Variants in CACNA1C observed in about 807,000 individuals in gnomAD.
CACNA1C encodes calcium voltage-gated channel subunit alpha1 C, also known as voltage-dependent L-type calcium channel subunit alpha-1C.
Under a neutral mutation model 229.0 loss-of-function variants are expected in CACNA1C, and 30 were observed. The ratio of observed to expected loss-of-function variants is 0.13; its 90% confidence interval spans 0.10 to 0.18. CACNA1C has a LOEUF of 0.18. CACNA1C is among the 10% of genes least tolerant of loss of function. The probability of loss-of-function intolerance (pLI) is 1.00; values close to 1 mark genes in which losing one functional copy is unlikely to be tolerated. For synonymous variants in CACNA1C, 1,114 were observed against 1,132.5 expected, an observed-to-expected ratio of 0.98 and a Z score of 0.33; for missense variants, 1,658 against 2,845.0, an observed-to-expected ratio of 0.58 and a Z score of 9.49.
chr12:2,347,633 C>G (rs1054827165), intron 3 of CACNA1C, among the ~76,000 whole-genome samples: 7 of 152,212 alleles, frequency 4.6e-5, no homozygotes, highest in Non-Finnish European at 1.0e-4. Context: ...AGCCCAGGAC[C>G]CGTGGGGGCC....
chr12:2,556,330 C>G (rs532446792), intron 10 of CACNA1C, among the ~76,000 whole-genome samples: 2 of 152,192 alleles, frequency 1.3e-5, no homozygotes, highest in South Asian at 4.1e-4. Context: ...CAGCCACCCT[C>G]ACACCCACCC....
chr12:2,525,880 C>T (rs1020437639), intron 9 of CACNA1C, among the ~76,000 whole-genome samples: 2 of 152,178 alleles, frequency 1.3e-5, no homozygotes, highest in African/African-American at 4.8e-5. Flanking sequence ...TGTTAATCAC[C>T]GTGATCACTT....
chr12:2,375,005 G>A (rs1359647375), intron 3 of CACNA1C, among the ~76,000 whole-genome samples: 3 of 152,164 alleles, frequency 2.0e-5, no homozygotes, highest in Non-Finnish European at 2.9e-5. Flanking sequence ...GACAGTCTAC[G>A]TCTTCATCTT....
chr12:2,603,672 C>T (rs1601769901), intron 22 of CACNA1C: 2 of 152,304 alleles, frequency 1.3e-5, no homozygotes, highest in Admixed American at 6.5e-5. Flanking sequence ...CCCGAGACTC[C>T]GAGAAGCTCT....
chr12:2,230,238 C>T (rs2064500765), intron 3 of CACNA1C, among the ~76,000 whole-genome samples: 1 of 152,110 alleles, frequency 6.6e-6, no homozygotes, highest in African/African-American at 2.4e-5. Flanking sequence ...GCGTCTAGCT[C>T]GCGGTCAGAG....
chr12:2,586,282 G>A (rs1270724216), intron 18 of CACNA1C, among the ~76,000 whole-genome samples: 1 of 152,100 alleles, frequency 6.6e-6, no homozygotes, highest in Admixed American at 6.5e-5. Context: ...TCCCAAGTCT[G>A]CCTTGCCCCT....
intron 1 of CACNA1C, among the ~76,000 whole-genome samples, chr12:2,101,046 T>C (rs2076234519): frequency 6.6e-6 from 1 of 151,896 alleles, no homozygotes; most frequent in Non-Finnish European, 1.5e-5. Flanking sequence ...GTGGTCCCAT[T>C]GTATATACTT....
chr12:2,526,025 A>G (rs776312903), intron 9 of CACNA1C, among the ~76,000 whole-genome samples: 2 of 152,200 alleles, frequency 1.3e-5, no homozygotes, highest in African/African-American at 4.8e-5. Context: ...ATAGAAGGCA[A>G]TTGGCAGCGT....
chr12:2,349,175 T>A (rs1428496243), intron 3 of CACNA1C, among the ~76,000 whole-genome samples: 1 of 152,186 alleles, frequency 6.6e-6, no homozygotes, highest in African/African-American at 2.4e-5. Flanking sequence ...TCTGCTCTAA[T>A]AGCATGTTCC....
intron 42 of CACNA1C, chr12:2,682,107 G>A: frequency 9.6e-7 from 1 of 1,039,074 alleles, no homozygotes; most frequent in East Asian, 2.4e-5. Flanking sequence ...CAGAATCAAG[G>A]GCACCATCAA....
chr12:2,255,371 G>C (rs899012688), intron 3 of CACNA1C, among the ~76,000 whole-genome samples: 2 of 151,978 alleles, frequency 1.3e-5, no homozygotes, highest in African/African-American at 2.4e-5. Context: ...GGGGTCATTC[G>C]GGGTGTGACA....
intron 37 of CACNA1C, among the ~76,000 whole-genome samples, chr12:2,667,323 T>TGGCCACTCCAC (rs879517964): frequency 1.6e-3 from 189 of 115,782 alleles, no homozygotes; most frequent in African/African-American, 6.6e-3. Flanking sequence ...GGCCATTCCG[T>TGGCCACTCCAC]GCTCCTTGTT....
chr12:2,436,780 G>A (rs1474712585), intron 3 of CACNA1C, among the ~76,000 whole-genome samples: 1 of 152,216 alleles, frequency 6.6e-6, no homozygotes, highest in Non-Finnish European at 1.5e-5. Flanking sequence ...ACTCAACTCG[G>A]AATGACTTTC....
chr12:2,140,125 C>G (rs1013599721), intron 3 of CACNA1C, among the ~76,000 whole-genome samples: 1 of 151,282 alleles, frequency 6.6e-6, no homozygotes, highest in African/African-American at 2.4e-5. Flanking sequence ...ACTGCCCATA[C>G]GGCTGTGTGT....
intron 3 of CACNA1C, among the ~76,000 whole-genome samples, chr12:2,314,817 T>C (rs1327316942): frequency 1.3e-5 from 2 of 152,236 alleles, no homozygotes; most frequent in Non-Finnish European, 2.9e-5. Flanking sequence ...GCATGTACTT[T>C]AATTACCTGT....
At chr12:2,553,094 AAGAAG>A (rs1410064169) in intron 10 of CACNA1C, among the ~76,000 whole-genome samples, 1 of 152,142 alleles carries the variant, frequency 6.6e-6, no homozygotes, top group African/African-American at 2.4e-5. Flanking sequence ...TGGAAAATGA[AAGAAG>A]AGGAGTCCCA....
chr12:2,493,169 G>A lies in CACNA1C; in HGVS notation c.917-21G>A, dbSNP rs751529730. ...TCCCTCCCTGCTGCTCCCGTCTCCT[G>A]TCTTCTTCTGGCCATTTGAGATGTT... On this transcript the variant is annotated intron_variant, in intron 6 of 46. Transcript: ENST00000399655. The surrounding 1 kb of genome is among the most constrained non-coding windows in gnomAD (Gnocchi z 4.6). The A allele has an allele frequency of 1.1e-5, 18 of 1,608,416 alleles. No homozygotes were observed. Among genetic ancestry groups the A allele is most frequent in the Non-Finnish European group, 1.5e-5 (18 of 1,175,274 alleles).
rs2059535490 is a variant in CACNA1C, at chr12:2,067,121, G to T, written c.49+13510G>T. Among the ~76,000 whole-genome samples, 1 of 152,158 alleles carries T rather than the reference G, an allele frequency of 6.6e-6. No homozygotes were observed. The highest frequency in any genetic ancestry group is 1.5e-5 in the Non-Finnish European group (1 of 68,026). ...AATTTGGCAAAGTGAGACAGCTGCT[G>T]ACTAGGTCTGGGGGCAAAGGGTTCT... is the stretch of plus-strand genomic sequence containing the variant. On this transcript the variant is annotated intron_variant, in intron 1 of 46. Transcript: ENST00000399655. The surrounding 1 kb of genome is among the most constrained non-coding windows in gnomAD (Gnocchi z 5.3).
chr12:2,290,274 G>A (rs2093338678), intron 3 of CACNA1C, among the ~76,000 whole-genome samples: 1 of 152,170 alleles, frequency 6.6e-6, no homozygotes, highest in African/African-American at 2.4e-5. Context: ...TGGGGATTGG[G>A]GGCAGGGTAT....
Sources: allele counts gnomAD v4.1 joint callset (sites outside exome capture counted in the v4.1 genomes callset), GRCh38; gene constraint gnomAD v4.1.1; non-coding constraint Gnocchi (gnomAD v3.1); transcripts MANE v1.5; gene names NCBI Gene and HGNC (gene_info 2026-07-23, HGNC 2026-07-21).